DYNC1I1: variants seen among roughly 807,000 people sequenced by gnomAD.
The protein encoded by DYNC1I1 is dynein cytoplasmic 1 intermediate chain 1.
A neutral mutation model predicts 86.6 loss-of-function variants in DYNC1I1; 43 were observed. The observed-to-expected ratio is 0.50, with a 90% CI of 0.39 to 0.64. The LOEUF is 0.64. Ranked by LOEUF, DYNC1I1 falls within the 30% of genes least tolerant of loss-of-function variation. The pLI, the probability that DYNC1I1 is intolerant of heterozygous loss-of-function variation, is 0.00. For missense variants in DYNC1I1, 604 were observed against 788.8 expected, an observed-to-expected ratio of 0.77 and a Z score of 2.81; for synonymous variants, 262 against 283.7, an observed-to-expected ratio of 0.92 and a Z score of 0.77.
chr7:95,877,167 G>A (rs1347412834), intron 6 of DYNC1I1, among the ~76,000 whole-genome samples: 1 of 152,116 alleles, frequency 6.6e-6, no homozygotes, highest in Non-Finnish European at 1.5e-5. Context: ...CAAGACATTA[G>A]CATTTCTCAT....
chr7:95,945,403 A>G (rs192571150), intron 6 of DYNC1I1, among the ~76,000 whole-genome samples: 128 of 152,254 alleles, frequency 8.4e-4, no homozygotes, highest in Non-Finnish European at 1.6e-3. Context: ...AAGATTCCCA[A>G]TTTTGCATAA....
chr7:95,909,906 T>C (rs745567454), intron 6 of DYNC1I1, among the ~76,000 whole-genome samples: 8 of 152,104 alleles, frequency 5.3e-5, no homozygotes, highest in Non-Finnish European at 8.8e-5. Context: ...TCCATCCTGT[T>C]TCATCTGTCT....
At chr7:96,038,507 C>T (rs1388557685) in intron 13 of DYNC1I1, among the ~76,000 whole-genome samples, 4 of 152,044 alleles carry the variant, frequency 2.6e-5, no homozygotes, top group African/African-American at 9.7e-5. Context: ...CTCAAATGTG[C>T]TTCTGTTTTA....
chr7:95,935,411 A>G (rs541089907), intron 6 of DYNC1I1, among the ~76,000 whole-genome samples: 1 of 152,190 alleles, frequency 6.6e-6, no homozygotes, highest in Non-Finnish European at 1.5e-5. Context: ...CATCTTGGCT[A>G]TTGTGAATAG....
chr7:96,064,154 C>A (rs1189603470), intron 14 of DYNC1I1, among the ~76,000 whole-genome samples: 6 of 151,728 alleles, frequency 4.0e-5, no homozygotes. Flanking sequence ...TTCTAAGCAT[C>A]ATTGTTCTTC....
At chr7:95,862,407 T>A (rs1789910132) in intron 5 of DYNC1I1, among the ~76,000 whole-genome samples, 2 of 150,758 alleles carry the variant, frequency 1.3e-5, no homozygotes, top group Middle Eastern at 3.2e-3. Flanking sequence ...CAAATAGGCA[T>A]GTTCTCCAAA....
At chr7:96,025,704 T>C (rs1170370327) in intron 10 of DYNC1I1, among the ~76,000 whole-genome samples, 1 of 152,184 alleles carries the variant, frequency 6.6e-6, no homozygotes, top group African/African-American at 2.4e-5. Flanking sequence ...AATTAATGAA[T>C]GAACAAATAG....
intron 4 of DYNC1I1, among the ~76,000 whole-genome samples, chr7:95,823,076 T>TTA (rs1396933272): frequency 6.6e-6 from 1 of 152,190 alleles, no homozygotes; most frequent in Non-Finnish European, 1.5e-5. Flanking sequence ...TTTGTTAGGC[T>TTA]TATATATTTG....
chr7:96,072,845 G>C (rs1790210410), intron 14 of DYNC1I1, among the ~76,000 whole-genome samples: 1 of 152,068 alleles, frequency 6.6e-6, no homozygotes. Flanking sequence ...AATACTTTAT[G>C]ATATACATGA....
chr7:96,104,536 T>C (rs1414779870), intron 16 of DYNC1I1, among the ~76,000 whole-genome samples: 1 of 152,148 alleles, frequency 6.6e-6, no homozygotes, highest in Non-Finnish European at 1.5e-5. Flanking sequence ...CTTAAATTAA[T>C]TTTTGTGTAT....
intron 14 of DYNC1I1, among the ~76,000 whole-genome samples, chr7:96,045,785 G>A (rs979991965): frequency 3.9e-5 from 6 of 152,110 alleles, no homozygotes; most frequent in African/African-American, 1.4e-4. Flanking sequence ...TGGGGCAGGG[G>A]AACTGTAGGA....
intron 10 of DYNC1I1, among the ~76,000 whole-genome samples, chr7:96,001,994 T>C (rs1196441942): frequency 6.6e-6 from 1 of 152,242 alleles, no homozygotes; most frequent in Middle Eastern, 3.2e-3. Context: ...GGCATTTTTA[T>C]TTTTCTTGCT....
At chr7:95,792,759 C>G (rs866700949) in intron 1 of DYNC1I1, among the ~76,000 whole-genome samples, 5 of 152,080 alleles carry the variant, frequency 3.3e-5, no homozygotes, top group African/African-American at 1.2e-4. Context: ...TATTTTTCCT[C>G]CTCCACACTG....
chr7:95,987,405 C>A (rs1409436764), intron 9 of DYNC1I1, among the ~76,000 whole-genome samples: 2 of 152,164 alleles, frequency 1.3e-5, no homozygotes, highest in African/African-American at 4.8e-5. Context: ...ATTAAGATTA[C>A]CACTGATTTC....
intron 14 of DYNC1I1, among the ~76,000 whole-genome samples, chr7:96,062,511 A>G (rs1049417441): frequency 1.8e-4 from 27 of 152,082 alleles, no homozygotes; most frequent in African/African-American, 5.6e-4. Context: ...TTACTGTAGC[A>G]TCATTAATAC....
intron 5 of DYNC1I1, among the ~76,000 whole-genome samples, chr7:95,854,541 C>A (rs116807486): frequency 0.034 from 5,159 of 152,078 alleles, 290 homozygotes; most frequent in African/African-American, 0.12. Context: ...TTTCTTTTAA[C>A]CTTCATGTTA....
intron 6 of DYNC1I1, among the ~76,000 whole-genome samples, chr7:95,936,954 T>TCACACACACACACACACACACA (rs1491214381): frequency 2.2e-3 from 71 of 32,560 alleles, no homozygotes; most frequent in African/African-American, 5.1e-3. Context: ...AAAGAATATG[T>TCACACACACACACACACACACA]CTCACACACA....
intron 6 of DYNC1I1, among the ~76,000 whole-genome samples, chr7:95,903,659 G>A (rs985460261): frequency 1.3e-5 from 2 of 152,204 alleles, no homozygotes; most frequent in African/African-American, 4.8e-5. Flanking sequence ...TTTATTGAAT[G>A]CTTCCATTTT....
chr7:95,954,201 G>C (rs1792637861), intron 6 of DYNC1I1, among the ~76,000 whole-genome samples: 1 of 151,374 alleles, frequency 6.6e-6, no homozygotes, highest in African/African-American at 2.4e-5. Context: ...TACTTCCCAT[G>C]TCACCTGGTT....
Sources: gnomAD v4.1 joint callset for allele counts (sites outside exome capture counted in the v4.1 genomes callset) on GRCh38, gnomAD v4.1.1 for gene constraint, MANE v1.5 for transcripts, NCBI Gene and HGNC (gene_info 2026-07-23, HGNC 2026-07-21) for gene names.